Variants in DOT1L observed in about 807,000 individuals in gnomAD.
DOT1L encodes DOT1 like histone lysine methyltransferase.
In DOT1L, 33 loss-of-function variants were observed where a neutral mutation model predicts 153.3. The ratio of observed to expected loss-of-function variants is 0.22; its 90% CI spans 0.16 to 0.29. DOT1L has a LOEUF of 0.29. Ranked by LOEUF, DOT1L falls within the 10% of genes least tolerant of loss-of-function variation. DOT1L has a pLI of 1.00. For missense variants in DOT1L, 1,847 were observed against 2,119.9 expected, an observed-to-expected ratio of 0.87 and a Z score of 2.53; for synonymous variants, 1,135 against 965.1, an observed-to-expected ratio of 1.18 and a Z score of -3.26.
In DOT1L at chr19:2,163,934, T is replaced by C. The variant is rs1025518633; in HGVS notation, c.-251T>C. 1.0e-3 allele frequency among the ~76,000 whole-genome samples: 156 copies of C among 149,462 alleles called. No homozygotes were observed. Among genetic ancestry groups the C allele is most frequent in the Non-Finnish European group, 1.6e-3 (109 of 66,868 alleles). On this transcript the variant is annotated 5_prime_UTR_variant, in exon 1 of 28. Coordinates refer to ENST00000398665, the MANE Select transcript of DOT1L (RefSeq NM_032482.3). ...GTGGTTCCGCCCGGCCCCCGGCTCA[T>C]TGTGCTCGCTTCACGCCGGCCCAAG...
In DOT1L at chr19:2,231,193, G is replaced by A. The variant is rs564867489; in HGVS notation, c.*1401G>A. On this transcript the variant is annotated 3_prime_UTR_variant, in exon 28 of 28. Transcript: ENST00000398665. ...TGGAGGATGGGATCTGGGAGTCTGAGCTCCCCGCATCTGGCCCTGGGCTGT... is the reference window on the plus strand; with the variant it reads ...TGGAGGATGGGATCTGGGAGTCTGAACTCCCCGCATCTGGCCCTGGGCTGT... 28 of 228,062 alleles carry A rather than the reference G, an allele frequency of 1.2e-4. No individual in the cohort carries two copies. Among genetic ancestry groups the A allele is most frequent in the African/African-American group, 5.8e-4 (26 of 45,138 alleles). 14.1% of individuals were successfully genotyped at this position (228,062 alleles called of 1,614,324 possible).
At position 2,226,420 on chromosome 19, in the gene DOT1L, T is replaced by A; in HGVS notation, c.3899T>A (p.Leu1300Gln). Residue 1300 changes from leucine to glutamine, a missense_variant, in exon 27 of 28, where the codon CTG (leucine) becomes CAG (glutamine). By Grantham distance (113) the Leu-to-Gln change is moderately radical. Around this residue, in one of 8 missense-constraint regions of DOT1L, gnomAD observed 934 missense variants for 825.3 expected, o/e 1.13. Coordinates refer to ENST00000398665, the MANE Select transcript of DOT1L (RefSeq NM_032482.3). Reference protein sequence around the residue: ...AHPRKGFPGSLSGADGLSPGT... With the variant: ...AHPRKGFPGSQSGADGLSPGT... ...CCCAGGAAAGGCTTTCCCGGCTCCC[T>A]GTCGGGGGCTGACGGACTCAGCCCG... 6.3e-7 allele frequency: 1 copy of A among 1,599,248 alleles called. No individual in the cohort carries two copies. Among genetic ancestry groups the A allele is most frequent in the Non-Finnish European group, 8.5e-7 (1 of 1,177,100 alleles).
intron 27 of DOT1L, chr19:2,227,676 G>A (rs903473168): frequency 8.6e-6 from 11 of 1,286,278 alleles, no homozygotes; most frequent in Non-Finnish European, 1.1e-5. Flanking sequence ...TGCGGCTGCT[G>A]CTCTGCGCTT....
chr19:2,229,288 C>T (rs943658952), intron 27 of DOT1L: 43 of 985,320 alleles, frequency 4.4e-5, no homozygotes, highest in Admixed American at 1.8e-4. Context: ...TGCCTGGCGG[C>T]GTAGTGCAAA....
chr19:2,222,153 G>A lies in DOT1L; in HGVS notation c.2984G>A (p.Arg995Gln), dbSNP rs768663974. The A allele has an allele frequency of 8.1e-6, 13 of 1,612,928 alleles. No homozygotes were observed. The highest frequency in any genetic ancestry group is 2.2e-5 in the East Asian group (1 of 44,886). The change falls in exon 24 of 28, where the codon CGG (arginine) becomes CAG (glutamine). Residue 995 changes from arginine (R) to glutamine (Q), a missense_variant. This residue lies in a region of DOT1L where 934 missense variants were observed against 825.3 expected (regional missense o/e 1.13). Coordinates refer to ENST00000398665, the MANE Select transcript of DOT1L (RefSeq NM_032482.3). This position sits in a 1 kb window ranked among gnomAD's most constrained non-coding sequence, Gnocchi z 6.5. ...PQHPLLLAQPRNSLPASPAHQ... is the reference protein window; with the variant it reads ...PQHPLLLAQPQNSLPASPAHQ... The stretch of plus-strand genomic sequence containing the variant: ...CACCCCCTGCTGCTGGCACAGCCCC[G>A]GAACTCGCTTCCTGCCTCTCCCGCC...
At chr19:2,189,604 G>A (rs1599558862) in intron 3 of DOT1L, 128 bp from the exon 4 acceptor site, 11 of 1,010,556 alleles carry the variant, frequency 1.1e-5, no homozygotes, top group Non-Finnish European at 1.6e-5. Context: ...AAGGGTCTTG[G>A]CCAGCTGGCT....
chr19:2,209,962 T>TA (rs1255759242), intron 12 of DOT1L, among the ~76,000 whole-genome samples: 5 of 152,188 alleles, frequency 3.3e-5, no homozygotes, highest in African/African-American at 1.2e-4. Context: ...CGCCCTCCAC[T>TA]AACTCACATC....
chr19:2,213,996 G>GC lies in DOT1L; in HGVS notation c.1797+11dup. The GC allele has an allele frequency of 1.9e-6, 3 of 1,611,270 alleles. No individual in the cohort carries two copies. Among genetic ancestry groups the GC allele is most frequent in the Non-Finnish European group, 2.5e-6 (3 of 1,179,192 alleles). On this transcript the variant is annotated intron_variant, in intron 18 of 27. Coordinates refer to ENST00000398665, the MANE Select transcript of DOT1L (RefSeq NM_032482.3). ...CCAGAGCTTGCAGCTGGTGGGTGCC[G>GC]CGGCGCAAGGACAGGGACGTGGAAC...
intron 26 of DOT1L, 89 bp from the exon 27 acceptor site, chr19:2,226,094 C>A: frequency 7.2e-7 from 1 of 1,396,666 alleles, no homozygotes; most frequent in African/African-American, 1.4e-5. Context: ...TGCAGAGTTG[C>A]CCGGGCCGTG....
chr19:2,220,472 TATTA>T lies in DOT1L; in HGVS notation c.2806+254_2806+257del, dbSNP rs1164877318. 1.6e-6 allele frequency: 1 copy of T among 613,996 alleles called. No homozygotes were observed. Among genetic ancestry groups the T allele is most frequent in the East Asian group, 3.3e-5 (1 of 29,972 alleles). The allele number at this position is 613,996 out of a possible 1,614,324, so 38.0% of individuals were successfully genotyped here. The stretch of plus-strand genomic sequence containing the variant: ...GACACTGACACCTCCTGCTTGGGTG[TATTA>T]ATTCAGCCCGTGAGGTCGGCCCCAG... On this transcript the variant is annotated intron_variant, in intron 23 of 27. Transcript: ENST00000398665. The surrounding 1 kb of genome is among the most constrained non-coding windows in gnomAD (Gnocchi z 4.5).
chr19:2,172,054 G>A (rs1490404551), intron 1 of DOT1L, among the ~76,000 whole-genome samples: 2 of 152,338 alleles, frequency 1.3e-5, no homozygotes, highest in Non-Finnish European at 1.5e-5. Context: ...AGCTAGTGTG[G>A]AAACCCCAGG....
Position 2,226,988 on chromosome 19 carries a change from C to T in DOT1L, c.4467C>T (p.Ala1489=), listed in dbSNP as rs1179342623. 7 of 1,591,580 alleles carry T rather than the reference C, an allele frequency of 4.4e-6. No homozygotes were observed. Among genetic ancestry groups the T allele is most frequent in the East Asian group, 4.5e-5 (2 of 44,242 alleles). ...MSLQANLGSV[A]GSSVLQSLFS... ...TGCAGGCCAACCTCGGCTCCGTGGC[C>T]GGCTCCTCCGTGCTGCAGTCGCTGT... Residue 1489 remains alanine (A), a synonymous_variant, in exon 27 of 28, where the codon GCC becomes GCT. Coordinates refer to ENST00000398665, the MANE Select transcript of DOT1L (RefSeq NM_032482.3).
intron 3 of DOT1L, among the ~76,000 whole-genome samples, chr19:2,188,577 G>C (rs1462657860): frequency 6.6e-6 from 1 of 150,554 alleles, no homozygotes; most frequent in African/African-American, 2.4e-5. Flanking sequence ...GGGCACTGCA[G>C]GGTGCCGAGC....
Position 2,193,905 on chromosome 19 carries a change from C to A in DOT1L, c.588+122C>A. Reference sequence around the variant, plus strand: ...AGTCTGGGTGGCGTTCTTTCCAGGCCCAAGACGTCTTGGTTGCCTGCAGCG... The same window carrying A: ...AGTCTGGGTGGCGTTCTTTCCAGGCACAAGACGTCTTGGTTGCCTGCAGCG... On this transcript the variant is annotated intron_variant, in intron 6 of 27. Coordinates refer to ENST00000398665, the MANE Select transcript of DOT1L (RefSeq NM_032482.3). The surrounding 1 kb of genome is among the most constrained non-coding windows in gnomAD (Gnocchi z 5.9). 1.9e-6 allele frequency: 2 copies of A among 1,038,702 alleles called. No individual in the cohort carries two copies. Among genetic ancestry groups the A allele is most frequent in the Non-Finnish European group, 2.8e-6 (2 of 715,962 alleles). The allele number at this position is 1,038,702 out of a possible 1,614,324, so 64.3% of individuals were successfully genotyped here. A position where few individuals can be genotyped will look rare whatever the true frequency, so the allele number is the denominator to read the frequency against.
chr19:2,226,475 C>T lies in DOT1L; in HGVS notation c.3954C>T (p.Phe1318=), dbSNP rs756538766. ...CCAACCCTGCCAACGGCTGCACCTT[C>T]GGCGGGGGCCTGGCCGCGGACCTGA... ...PGTNPANGCT[F]GGGLAADLSL... Residue 1318 remains phenylalanine (F), a synonymous_variant, in exon 27 of 28, where the codon TTC becomes TTT. Coordinates refer to ENST00000398665, the MANE Select transcript of DOT1L (RefSeq NM_032482.3). The T allele has an allele frequency of 3.1e-6, 5 of 1,601,174 alleles. No homozygotes were observed. Among genetic ancestry groups the T allele is most frequent in the South Asian group, 2.2e-5 (2 of 90,882 alleles).
rs552391264 is a variant in DOT1L at position 2,165,739 on chromosome 19, C to T, written c.81+1474C>T. ...AAGATCAATTGAGGTGGCTTACCAC[C>T]GTCCGACCAGCCCCAGTACATGGCT... On this transcript the variant is annotated intron_variant, in intron 1 of 27. Coordinates refer to ENST00000398665, the MANE Select transcript of DOT1L (RefSeq NM_032482.3). Among the ~76,000 whole-genome samples the T allele has an allele frequency of 1.2e-4, 19 of 152,166 alleles. No individual in the cohort carries two copies. The South Asian group carries it at 3.9e-3, about 32-fold the overall frequency.
rs1172748688 is a variant in DOT1L at position 2,220,354 on chromosome 19, C to T, written c.2806+132C>T. 1.3e-5 allele frequency: 11 copies of T among 864,474 alleles called. No homozygotes were observed. The highest frequency in any genetic ancestry group is 5.3e-5 in the East Asian group (2 of 37,830). The allele number at this position is 864,474 out of a possible 1,614,324, so 53.6% of individuals were successfully genotyped here. On this transcript the variant is annotated intron_variant, in intron 23 of 27. Transcript: ENST00000398665. The surrounding 1 kb of genome is among the most constrained non-coding windows in gnomAD (Gnocchi z 4.5). Reference sequence around the variant, plus strand: ...TGGGGGCTGCTGCCCCAAACCGCCACGCCTCATTACTGACACCCTTTCCTG... The same window carrying T: ...TGGGGGCTGCTGCCCCAAACCGCCATGCCTCATTACTGACACCCTTTCCTG...
chr19:2,173,466 C>A (rs538825248), intron 1 of DOT1L, among the ~76,000 whole-genome samples: 1 of 152,318 alleles, frequency 6.6e-6, no homozygotes, highest in East Asian at 1.9e-4. Context: ...CCTTACACAG[C>A]GGGCCTCCCT....
intron 1 of DOT1L, among the ~76,000 whole-genome samples, chr19:2,173,887 T>A (rs2021779053): frequency 6.6e-6 from 1 of 152,220 alleles, no homozygotes; most frequent in Admixed American, 6.5e-5. Flanking sequence ...GCCTCAGCCC[T>A]CCTGAGCCCC....
Sources: allele counts gnomAD v4.1 joint callset (sites outside exome capture counted in the v4.1 genomes callset), GRCh38; gene constraint gnomAD v4.1.1; regional missense constraint gnomAD v4.1.1; non-coding constraint Gnocchi (gnomAD v3.1); transcripts MANE v1.5; gene names NCBI Gene and HGNC (gene_info 2026-07-23, HGNC 2026-07-21).